Variants in MIGA1 observed in about 807,000 individuals in gnomAD.
The protein encoded by MIGA1 is mitoguardin 1.
A neutral mutation model predicts 82.0 loss-of-function variants in MIGA1; 58 were observed. That is an observed-to-expected ratio of 0.71 (90% CI 0.57 to 0.88). The LOEUF (loss-of-function observed/expected upper bound fraction) is 0.88, where lower values mean the gene tolerates loss of function less well. Among genes scored for constraint, MIGA1 ranks in the 40% least tolerant of loss-of-function variants. MIGA1 has a pLI of 0.00. For missense variants in MIGA1, 751 were observed against 749.1 expected (o/e 1.00, Z -0.03); for synonymous variants, 249 against 253.6 (o/e 0.98, Z 0.17).
intron 2 of MIGA1, among the ~76,000 whole-genome samples, chr1:77,794,036 G>A (rs1166585): frequency 0.24 from 36,770 of 151,258 alleles, 4,623 homozygotes; most frequent in South Asian, 0.35. Flanking sequence ...TGATCTGCCC[G>A]CCTCAGCCTC....
chr1:77,849,376 G>A (rs376529326), intron 8 of MIGA1, among the ~76,000 whole-genome samples: 1 of 152,082 alleles, frequency 6.6e-6, no homozygotes, highest in South Asian at 2.1e-4. Context: ...CAACCTGGGC[G>A]ACAGCGGGAC....
At chr1:77,838,966 C>T (rs1021346331) in intron 7 of MIGA1, among the ~76,000 whole-genome samples, 40 of 152,176 alleles carry the variant, frequency 2.6e-4, no homozygotes, top group Non-Finnish European at 4.9e-4. Context: ...GAATATACTA[C>T]GGTTTGTTTA....
intron 14 of MIGA1, among the ~76,000 whole-genome samples, chr1:77,869,554 G>A (rs1232797979): frequency 1.2e-4 from 17 of 139,010 alleles, no homozygotes; most frequent in Admixed American, 1.0e-3. Flanking sequence ...CGGATGGGGC[G>A]GCTGGCCGGG....
At chr1:77,866,444 C>T (rs558733495) in intron 14 of MIGA1, 53 bp downstream of exon 14, 16 of 1,547,990 alleles carry the variant, frequency 1.0e-5, no homozygotes, top group African/African-American at 2.7e-5. Flanking sequence ...AGGATTCTGT[C>T]AAAGCAGCTT....
At chr1:77,779,829 G>A (rs553962801) in intron 1 of MIGA1, 93 bp downstream of exon 1, 2 of 1,444,020 alleles carry the variant, frequency 1.4e-6, no homozygotes, top group Non-Finnish European at 1.8e-6. Flanking sequence ...CCTCGGGGCA[G>A]GGGTGGCGCG....
At chr1:77,801,104 T>C (rs1682863492) in intron 2 of MIGA1, among the ~76,000 whole-genome samples, 2 of 152,134 alleles carry the variant, frequency 1.3e-5, no homozygotes, top group African/African-American at 4.8e-5. Context: ...GACTTTGGGG[T>C]AATATTGTTT....
At chr1:77,874,082 T>C (rs562725257) in intron 15 of MIGA1, among the ~76,000 whole-genome samples, 3 of 152,330 alleles carry the variant, frequency 2.0e-5, no homozygotes, top group Admixed American at 6.5e-5. Flanking sequence ...GTGTGTCTTC[T>C]TAGTACTTCT....
chr1:77,808,618 T>A (rs1162820937), intron 5 of MIGA1, among the ~76,000 whole-genome samples: 1 of 152,234 alleles, frequency 6.6e-6, no homozygotes, highest in Non-Finnish European at 1.5e-5. Context: ...CAAATGAACC[T>A]GTTGTTGAAT....
chr1:77,851,796 C>A (rs951770106), intron 8 of MIGA1, among the ~76,000 whole-genome samples: 2 of 151,930 alleles, frequency 1.3e-5, no homozygotes, highest in Non-Finnish European at 2.9e-5. Context: ...TGGAATCTCC[C>A]ATTGTTGGAT....
chr1:77,870,867 C>T (rs1400741368), intron 14 of MIGA1, among the ~76,000 whole-genome samples: 1 of 150,828 alleles, frequency 6.6e-6, no homozygotes, highest in African/African-American at 2.4e-5. Context: ...GGATCACTCG[C>T]GGTTAGGAGC....
At chr1:77,874,730 T>G in intron 15 of MIGA1, 116 bp from the exon 16 acceptor site, 1 of 688,906 alleles carries the variant, frequency 1.5e-6, no homozygotes, top group South Asian at 1.9e-5. Context: ...GATATGAAAC[T>G]AGCACTGGAA....
At chr1:77,831,005 A>G (rs138270768) in intron 7 of MIGA1, among the ~76,000 whole-genome samples, 18 of 152,312 alleles carry the variant, frequency 1.2e-4, no homozygotes, top group Non-Finnish European at 1.8e-4. Context: ...ATATTCTTCA[A>G]TACCGAGCAA....
intron 4 of MIGA1, among the ~76,000 whole-genome samples, chr1:77,805,936 CATG>C: frequency 6.6e-6 from 1 of 152,288 alleles, no homozygotes; most frequent in South Asian, 2.1e-4. Context: ...AGGTGAATTT[CATG>C]ATAATAGTGT....
intron 7 of MIGA1, among the ~76,000 whole-genome samples, chr1:77,837,061 T>C (rs1397042234): frequency 6.6e-6 from 1 of 152,208 alleles, no homozygotes; most frequent in Non-Finnish European, 1.5e-5. Flanking sequence ...ATCTGAGTCT[T>C]CTAAAGAACT....
chr1:77,855,591 T>G (rs1304952909), intron 8 of MIGA1, among the ~76,000 whole-genome samples: 3 of 152,160 alleles, frequency 2.0e-5, no homozygotes, highest in Non-Finnish European at 2.9e-5. Flanking sequence ...TAGTTTTCCT[T>G]GTAGAGGTCT....
At chr1:77,830,583 C>A (rs1322223691) in intron 7 of MIGA1, among the ~76,000 whole-genome samples, 1 of 152,026 alleles carries the variant, frequency 6.6e-6, no homozygotes, top group Non-Finnish European at 1.5e-5. Flanking sequence ...CTCTTCCGCA[C>A]CCCCCTCCCC....
chr1:77,807,906 C>T (rs1221138248), intron 5 of MIGA1, among the ~76,000 whole-genome samples: 2 of 152,104 alleles, frequency 1.3e-5, no homozygotes, highest in Admixed American at 1.3e-4. Flanking sequence ...GCAACCTCCA[C>T]CTCCCGGGTT....
At chr1:77,793,004 T>C (rs572443975) in intron 2 of MIGA1, among the ~76,000 whole-genome samples, 1 of 152,296 alleles carries the variant, frequency 6.6e-6, no homozygotes, top group African/African-American at 2.4e-5. Context: ...TTGGCCAGCC[T>C]GGTCTTGAAC....
At chr1:77,820,650 C>G (rs570319917) in intron 7 of MIGA1, among the ~76,000 whole-genome samples, 1 of 152,046 alleles carries the variant, frequency 6.6e-6, no homozygotes, top group African/African-American at 2.4e-5. Context: ...CTTTCTGATC[C>G]TGTATTTGCC....
Sources: allele counts gnomAD v4.1 joint callset (sites outside exome capture counted in the v4.1 genomes callset), GRCh38; gene constraint gnomAD v4.1.1; transcripts MANE v1.5; gene names NCBI Gene and HGNC (gene_info 2026-07-23, HGNC 2026-07-21).